EBF3: variants seen among roughly 807,000 people sequenced by gnomAD.
The protein encoded by EBF3 is transcription factor COE3.
A neutral mutation model predicts 77.1 loss-of-function variants in EBF3; 18 were observed. That is an observed-to-expected ratio of 0.23 (90% CI 0.16 to 0.35). EBF3 has a LOEUF of 0.35. Among genes scored for constraint, EBF3 ranks in the 10% least tolerant of loss-of-function variants. EBF3 has a pLI of 1.00. For synonymous variants in EBF3, 350 were observed against 343.5 expected (o/e 1.02, Z -0.21); for missense variants, 558 against 860.0 (o/e 0.65, Z 4.39).
At chr10:129,891,312 G>A (rs895192689) in intron 6 of EBF3, among the ~76,000 whole-genome samples, 1 of 152,148 alleles carries the variant, frequency 6.6e-6, no homozygotes, top group African/African-American at 2.4e-5. Flanking sequence ...GTCACTACTT[G>A]TAGATTTATG....
chr10:129,842,189 G>T lies in EBF3; in HGVS notation c.1299C>A (p.Gly433=). 1.2e-6 allele frequency: 2 copies of T among 1,614,252 alleles called. No individual in the cohort carries two copies. Among genetic ancestry groups the T allele is most frequent in the South Asian group, 1.1e-5 (1 of 91,090 alleles). ...TGCTGAAGGAGTTGACGCCCATCAT[G>T]CCCGTGTGTGCAGGGTTGTTGCCCA... ...PTLGNNPAHT[G]MMGVNSFSSQ... The change falls in exon 13 of 17, where the codon GGC becomes GGA. Residue 433 remains glycine (G), a synonymous_variant. Transcript: ENST00000440978. This position sits in a 1 kb window ranked among gnomAD's most constrained non-coding sequence, Gnocchi z 4.4.
intron 6 of EBF3, among the ~76,000 whole-genome samples, chr10:129,939,875 C>T (rs779182526): frequency 1.6e-4 from 25 of 152,264 alleles, no homozygotes; most frequent in African/African-American, 5.3e-4. Context: ...CTAGATACCA[C>T]GTCCTGAGGA....
At chr10:129,926,851 C>T (rs1481644912) in intron 6 of EBF3, among the ~76,000 whole-genome samples, 1 of 152,162 alleles carries the variant, frequency 6.6e-6, no homozygotes, top group East Asian at 1.9e-4. Context: ...CACTGCCCAC[C>T]CCACGTGGAG....
At chr10:129,945,668 G>A (rs1296122520) in intron 6 of EBF3, among the ~76,000 whole-genome samples, 3 of 152,096 alleles carry the variant, frequency 2.0e-5, no homozygotes, top group South Asian at 4.2e-4. Context: ...TCCAATCTGC[G>A]ATCAATTCAT....
At position 129,885,314 on chromosome 10, in the gene EBF3, T is replaced by C. The variant is rs1323335652; in HGVS notation, c.555-7465A>G. 1.3e-5 allele frequency among the ~76,000 whole-genome samples: 2 copies of C among 152,108 alleles called. No homozygotes were observed. The highest frequency in any genetic ancestry group is 4.8e-5 in the African/African-American group (2 of 41,406). On this transcript the variant is annotated intron_variant, in intron 6 of 16. Coordinates refer to ENST00000440978, the MANE Select transcript of EBF3 (RefSeq NM_001375380.1). The surrounding 1 kb of genome is among the most constrained non-coding windows in gnomAD (Gnocchi z 4.0). ...GAAATTTGTATGACTCGCATTAAAC[T>C]TTTCCGGGTGGTTTTAATGTGTTCA... is the stretch of plus-strand genomic sequence containing the variant.
chr10:129,897,511 A>T lies in EBF3; in HGVS notation c.555-19662T>A, dbSNP rs989226943. On this transcript the variant is annotated intron_variant, in intron 6 of 16. Transcript: ENST00000440978. This position sits in a 1 kb window ranked among gnomAD's most constrained non-coding sequence, Gnocchi z 4.6. ...GGGGGGCCAGGCAGACCTAACAAAC[A>T]GAGGCAACACCTATGCAGGAACTTC... Among the ~76,000 whole-genome samples, 4 of 152,068 alleles carry T rather than the reference A, an allele frequency of 2.6e-5. No homozygotes were observed. The highest frequency in any genetic ancestry group is 5.9e-5 in the Non-Finnish European group (4 of 68,002).
At position 129,924,438 on chromosome 10, in the gene EBF3, AAAAAAAACAAAAAAC is replaced by A. The variant is rs1564893977; in HGVS notation, c.554+32805_554+32819del. 9.3e-5 allele frequency among the ~76,000 whole-genome samples: 14 copies of A among 150,650 alleles called. No individual in the cohort carries two copies. In the South Asian group the frequency reaches 2.9e-3, roughly 32 times the overall value. ...TCAAACAACAACAACAACAAAAAAA[AAAAAAAACAAAAAAC>A]AAAAAACAGAAAATAGGTACTGGTG... On this transcript the variant is annotated intron_variant, in intron 6 of 16. Coordinates refer to ENST00000440978, the MANE Select transcript of EBF3 (RefSeq NM_001375380.1).
chr10:129,841,263 G>A lies in EBF3; in HGVS notation c.1373-231C>T, dbSNP rs1030227012. Among the ~76,000 whole-genome samples the A allele has an allele frequency of 6.6e-6, 1 of 152,158 alleles. No individual in the cohort carries two copies. The highest frequency in any genetic ancestry group is 2.4e-5 in the African/African-American group (1 of 41,432). On this transcript the variant is annotated intron_variant, in intron 13 of 16. Transcript: ENST00000440978. The surrounding 1 kb of genome is among the most constrained non-coding windows in gnomAD (Gnocchi z 4.6). ...GCTGGCTTCAACAGCCAGCCGGGGC[G>A]CGCTTCGATCTCGCCGTCAGTGGCT...
At position 129,842,762 on chromosome 10, in the gene EBF3, T is replaced by TGA. The variant is rs570111888; in HGVS notation, c.1194+374_1194+375insTC. Among the ~76,000 whole-genome samples, 1 of 112,744 alleles carries TGA rather than the reference T, an allele frequency of 8.9e-6. No individual in the cohort carries two copies. Among genetic ancestry groups the TGA allele is most frequent in the Non-Finnish European group, 1.7e-5 (1 of 57,768 alleles). 74.0% of individuals were successfully genotyped at this position (112,744 alleles called of 152,430 possible). On this transcript the variant is annotated intron_variant, in intron 12 of 16. Transcript: ENST00000440978. The surrounding 1 kb of genome is among the most constrained non-coding windows in gnomAD (Gnocchi z 4.4). ...CTGGGTGACAGAGCAAGACCCTGTC[T>TGA]AAAAAAAAAAAAAAAAAAAGGGAGC...
Position 129,867,247 on chromosome 10 carries a change from G to A in EBF3, c.933C>T (p.Ile311=), listed in dbSNP as rs267602416. Residue 311 remains isoleucine (I), a synonymous_variant, in exon 10 of 17, where the codon ATC becomes ATT. Coordinates refer to ENST00000440978, the MANE Select transcript of EBF3 (RefSeq NM_001375380.1). ...TGTGCCTCGGCGGGGTCTGGACTCGGATGGCATGGGGAGTTATCAGCTACA... is the reference window on the plus strand; with the variant it reads ...TGTGCCTCGGCGGGGTCTGGACTCGAATGGCATGGGGAGTTATCAGCTACA... ...VWSELITPHA[I]RVQTPPRHIP... is the part of the protein sequence containing the mutation. The A allele has an allele frequency of 1.9e-6, 3 of 1,614,112 alleles. No homozygotes were observed. Among genetic ancestry groups the A allele is most frequent in the Non-Finnish European group, 2.5e-6 (3 of 1,180,026 alleles).
In EBF3 at chr10:129,863,827, T is replaced by C. The variant is rs1419442642; in HGVS notation, c.1039+3314A>G. Among the ~76,000 whole-genome samples the C allele has an allele frequency of 6.6e-6, 1 of 152,216 alleles. No homozygotes were observed. Among genetic ancestry groups the C allele is most frequent in the Non-Finnish European group, 1.5e-5 (1 of 68,034 alleles). On this transcript the variant is annotated intron_variant, in intron 10 of 16. Transcript: ENST00000440978. This position sits in a 1 kb window ranked among gnomAD's most constrained non-coding sequence, Gnocchi z 4.0. The stretch of plus-strand genomic sequence containing the variant: ...CCTCTGCTCCCCAGCCTGTAGAGCC[T>C]GTATCCCTTACATCACCTTTGAAAT...
intron 6 of EBF3, among the ~76,000 whole-genome samples, chr10:129,956,648 C>T (rs548810246): frequency 1.3e-5 from 2 of 152,304 alleles, no homozygotes; most frequent in South Asian, 4.1e-4. Flanking sequence ...GTAAAGAATG[C>T]ATACAGCTAA....
chr10:129,922,773 G>A (rs1216734645), intron 6 of EBF3, among the ~76,000 whole-genome samples: 1 of 152,138 alleles, frequency 6.6e-6, no homozygotes, highest in East Asian at 1.9e-4. Context: ...GGGGCTGACG[G>A]GACCACCCAG....
At position 129,935,020 on chromosome 10, in the gene EBF3, A is replaced by T. The variant is rs1857261984; in HGVS notation, c.554+22238T>A. On this transcript the variant is annotated intron_variant, in intron 6 of 16. Coordinates refer to ENST00000440978, the MANE Select transcript of EBF3 (RefSeq NM_001375380.1). The surrounding 1 kb of genome is among the most constrained non-coding windows in gnomAD (Gnocchi z 4.2). ...CTGGTGGTGATCTAACTAGATCAATAACAAGTAATGTTTAAGATAAGTACA... is the reference window on the plus strand; with the variant it reads ...CTGGTGGTGATCTAACTAGATCAATTACAAGTAATGTTTAAGATAAGTACA... Among the ~76,000 whole-genome samples, 1 of 152,196 alleles carries T rather than the reference A, an allele frequency of 6.6e-6. No homozygotes were observed. The highest frequency in any genetic ancestry group is 6.5e-5 in the Admixed American group (1 of 15,286).
intron 8 of EBF3, among the ~76,000 whole-genome samples, chr10:129,871,543 G>A (rs1019951469): frequency 8.5e-5 from 13 of 152,218 alleles, no homozygotes; most frequent in Admixed American, 8.5e-4. Context: ...AAAGGATGTG[G>A]GACTGATGTA....
intron 6 of EBF3, among the ~76,000 whole-genome samples, chr10:129,899,910 T>C (rs566398239): frequency 1.3e-5 from 2 of 152,370 alleles, no homozygotes; most frequent in South Asian, 2.1e-4. Flanking sequence ...GCAAATCTTA[T>C]GAGGCTGTAA....
At chr10:129,838,508 G>A (rs1409760853) in intron 16 of EBF3, among the ~76,000 whole-genome samples, 1 of 152,166 alleles carries the variant, frequency 6.6e-6, no homozygotes, top group Non-Finnish European at 1.5e-5. Context: ...GGGCTCTCCA[G>A]AATCAAAGCC....
At chr10:129,917,859 T>G (rs1383757857) in intron 6 of EBF3, among the ~76,000 whole-genome samples, 1 of 152,074 alleles carries the variant, frequency 6.6e-6, no homozygotes, top group African/African-American at 2.4e-5. Flanking sequence ...TCTTTAAAAT[T>G]AGGTAAGGAA....
intron 6 of EBF3, among the ~76,000 whole-genome samples, chr10:129,886,033 ATTTTTTTTTTTTTTT>A (rs59542647): frequency 3.2e-5 from 4 of 126,294 alleles, no homozygotes; most frequent in Non-Finnish European, 3.3e-5. Context: ...TTTGGTTTTA[ATTTTTTTTTTTTTTT>A]TTTTTTTTTT....
Sources: gnomAD v4.1 joint callset for allele counts (sites outside exome capture counted in the v4.1 genomes callset) on GRCh38, gnomAD v4.1.1 for gene constraint, Gnocchi (gnomAD v3.1) non-coding constraint, MANE v1.5 for transcripts, NCBI Gene and HGNC (gene_info 2026-07-23, HGNC 2026-07-21) for gene names.